The following ITGA9 variants were observed in gnomAD, a reference collection of about 807,000 sequenced individuals.
ITGA9 encodes integrin alpha-9.
Under a neutral mutation model 127.8 loss-of-function variants are expected in ITGA9, and 56 were observed. The ratio of observed to expected loss-of-function variants is 0.44; its 90% CI spans 0.35 to 0.55. The LOEUF (loss-of-function observed/expected upper bound fraction) is 0.55. ITGA9 is among the 20% of genes least tolerant of loss of function. The pLI is 0.00. For synonymous variants in ITGA9, 508 were observed against 514.5 expected, an observed-to-expected ratio of 0.99 and a Z score of 0.17; for missense variants, 1,196 against 1,347.1, an observed-to-expected ratio of 0.89 and a Z score of 1.76.
intron 23 of ITGA9, among the ~76,000 whole-genome samples, chr3:37,759,401 A>G (rs2125542156): frequency 6.6e-6 from 1 of 152,346 alleles, no homozygotes; most frequent in South Asian, 2.1e-4. Context: ...AGGAACCCAG[A>G]TGTTGGATTT....
At chr3:37,766,642 A>G (rs886337163) in intron 23 of ITGA9, among the ~76,000 whole-genome samples, 20 of 152,198 alleles carry the variant, frequency 1.3e-4, no homozygotes, top group African/African-American at 4.3e-4. Context: ...TTACCTTAAG[A>G]TGGGTCCAAG....
intron 18 of ITGA9, among the ~76,000 whole-genome samples, chr3:37,708,162 T>A (rs1701028328): frequency 6.6e-6 from 1 of 152,186 alleles, no homozygotes; most frequent in African/African-American, 2.4e-5. Flanking sequence ...TGTCTGTGGT[T>A]AGCTGCAGGT....
chr3:37,674,892 G>A (rs140205800), intron 17 of ITGA9, among the ~76,000 whole-genome samples: 372 of 152,336 alleles, frequency 2.4e-3, no homozygotes, highest in African/African-American at 8.4e-3. Flanking sequence ...GATCCCAAGG[G>A]TTGGGTAGGG....
intron 16 of ITGA9, among the ~76,000 whole-genome samples, chr3:37,646,683 G>A (rs1297208976): frequency 6.6e-6 from 1 of 152,246 alleles, no homozygotes; most frequent in East Asian, 1.9e-4. Context: ...GTGAAGTCTG[G>A]AGGGAGGTGG....
At chr3:37,794,777 C>T (rs1223908948) in intron 26 of ITGA9, among the ~76,000 whole-genome samples, 1 of 152,204 alleles carries the variant, frequency 6.6e-6, no homozygotes, top group Non-Finnish European at 1.5e-5. Flanking sequence ...ATTTTGGAAA[C>T]ATGACACCTG....
rs1443180521 is a variant in ITGA9, at chr3:37,743,910, T to C, written c.2325-16T>C. 1 of 1,576,452 alleles carries C rather than the reference T, an allele frequency of 6.3e-7. No homozygotes were observed. The highest frequency in any genetic ancestry group is 8.7e-7 in the Non-Finnish European group (1 of 1,145,582). ...CTGTGGGTGGGGATGACAGATTTCA[T>C]GCTTTCCTCTTTCAGAATCATGTCT... On this transcript the variant is annotated splice_polypyrimidine_tract_variant and intron_variant, in intron 21 of 27. Coordinates refer to ENST00000264741, the MANE Select transcript of ITGA9 (RefSeq NM_002207.3).
intron 4 of ITGA9, among the ~76,000 whole-genome samples, chr3:37,493,806 C>T (rs961051608): frequency 2.0e-5 from 3 of 152,190 alleles, no homozygotes; most frequent in African/African-American, 7.2e-5. Context: ...ATGCTAAGCA[C>T]TTGTCAAAAG....
At chr3:37,559,245 C>A (rs1575149532) in intron 15 of ITGA9, among the ~76,000 whole-genome samples, 1 of 151,292 alleles carries the variant, frequency 6.6e-6, no homozygotes, top group South Asian at 2.1e-4. Context: ...TTTTCTGAAT[C>A]TGGAAAAGTG....
In ITGA9 at chr3:37,626,234, GT is replaced by G. The variant is rs1180929831; in HGVS notation, c.1690-2952del. Among the ~76,000 whole-genome samples, 4 of 152,222 alleles carry G rather than the reference GT, an allele frequency of 2.6e-5. No individual in the cohort carries two copies. In the East Asian group the frequency reaches 7.7e-4, roughly 29 times the overall value. ...TTTTAGGATGATGTCAGAACCTGAT[GT>G]AGTTGGGGTGGTTTTAAAATAGTAT... On this transcript the variant is annotated intron_variant, in intron 15 of 27. Coordinates refer to ENST00000264741, the MANE Select transcript of ITGA9 (RefSeq NM_002207.3).
intron 15 of ITGA9, among the ~76,000 whole-genome samples, chr3:37,571,489 T>C (rs997440602): frequency 2.6e-5 from 4 of 152,156 alleles, no homozygotes; most frequent in African/African-American, 7.2e-5. Flanking sequence ...TGTGGTCCCA[T>C]CATTCAGGCC....
chr3:37,595,580 A>G (rs778015123), intron 15 of ITGA9, among the ~76,000 whole-genome samples: 1 of 152,216 alleles, frequency 6.6e-6, no homozygotes, highest in Admixed American at 6.5e-5. Flanking sequence ...GGCACTGGGA[A>G]TGCTGGTAAC....
At chr3:37,495,549 C>A (rs908004820) in intron 5 of ITGA9, among the ~76,000 whole-genome samples, 8 of 152,184 alleles carry the variant, frequency 5.3e-5, no homozygotes, top group Admixed American at 5.2e-4. Flanking sequence ...TTGTTTTAGC[C>A]TCCAAAACAC....
intron 18 of ITGA9, among the ~76,000 whole-genome samples, chr3:37,725,843 T>G (rs1406515546): frequency 2.6e-5 from 4 of 152,232 alleles, no homozygotes; most frequent in Non-Finnish European, 5.9e-5. Context: ...AAAGGATGGT[T>G]AATTTGCCTG....
intron 15 of ITGA9, among the ~76,000 whole-genome samples, chr3:37,614,041 T>C (rs544077599): frequency 0.015 from 2,350 of 152,342 alleles, 54 homozygotes; most frequent in African/African-American, 0.053. Context: ...TCCTTGCCCA[T>C]GCCTATGTCC....
At position 37,785,409 on chromosome 3, in the gene ITGA9, A is replaced by C. The variant is rs375436730; in HGVS notation, c.2889+331A>C. Among the ~76,000 whole-genome samples, 3 of 152,142 alleles carry C rather than the reference A, an allele frequency of 2.0e-5. No individual in the cohort carries two copies. In the East Asian group the frequency reaches 5.8e-4, roughly 29 times the overall value. ...CCAGGACTATTTATATCTTTCTTAGACCTTTCCTAAGACAGACCACATCTG... is the reference window on the plus strand; with the variant it reads ...CCAGGACTATTTATATCTTTCTTAGCCCTTTCCTAAGACAGACCACATCTG... On this transcript the variant is annotated intron_variant, in intron 26 of 27. Coordinates refer to ENST00000264741, the MANE Select transcript of ITGA9 (RefSeq NM_002207.3).
intron 17 of ITGA9, among the ~76,000 whole-genome samples, chr3:37,681,567 G>C (rs1462594808): frequency 6.6e-6 from 1 of 152,164 alleles, no homozygotes; most frequent in Admixed American, 6.5e-5. Flanking sequence ...CCCAAAACAC[G>C]AGGATGTCAG....
intron 13 of ITGA9, among the ~76,000 whole-genome samples, chr3:37,530,844 C>T (rs530406571): frequency 2.0e-5 from 3 of 147,982 alleles, no homozygotes; most frequent in African/African-American, 5.0e-5. Flanking sequence ...CTCTGCCTCC[C>T]GGGTTCACGT....
At chr3:37,727,342 C>T (rs960403930) in intron 18 of ITGA9, among the ~76,000 whole-genome samples, 2 of 152,250 alleles carry the variant, frequency 1.3e-5, no homozygotes, top group South Asian at 2.1e-4. Flanking sequence ...GAATATTGAA[C>T]GTCTTTGCCA....
intron 24 of ITGA9, among the ~76,000 whole-genome samples, chr3:37,778,032 TAC>T (rs1412878693): frequency 3.3e-5 from 5 of 152,350 alleles, no homozygotes; most frequent in Admixed American, 2.0e-4. Context: ...GGTATATCCA[TAC>T]ACTGGAATAT....
Sources: gnomAD v4.1 joint callset for allele counts (sites outside exome capture counted in the v4.1 genomes callset) on GRCh38, gnomAD v4.1.1 for gene constraint, MANE v1.5 for transcripts, NCBI Gene and HGNC (gene_info 2026-07-23, HGNC 2026-07-21) for gene names.